Variants in OSTN observed in about 807,000 individuals in gnomAD.
OSTN encodes the protein osteocrin.
Under a neutral mutation model 12.0 loss-of-function variants are expected in OSTN, and 9 were observed. The observed-to-expected ratio is 0.75, with a 90% CI of 0.45 to 1.30. The LOEUF is 1.30. Among genes scored for constraint, OSTN ranks in the 50% most tolerant of loss-of-function variants. OSTN has a pLI of 0.00. For missense variants in OSTN, 148 were observed against 152.3 expected (o/e 0.97, Z 0.15); for synonymous variants, 59 against 56.9 (o/e 1.04, Z -0.16).
intron 1 of OSTN, among the ~76,000 whole-genome samples, chr3:191,208,821 T>C (rs547881756): frequency 6.6e-6 from 1 of 152,340 alleles, no homozygotes; most frequent in South Asian, 2.1e-4. Flanking sequence ...ACATAAAGAA[T>C]TGTAGTTTGT....
intron 4 of OSTN, among the ~76,000 whole-genome samples, chr3:191,258,623 C>T (rs889021888): frequency 1.3e-5 from 2 of 150,194 alleles, no homozygotes; most frequent in Non-Finnish European, 3.0e-5. Context: ...CAAGCCTGCA[C>T]GTTCTGCACA....
rs560981477 is a variant in OSTN at position 191,243,596 on chromosome 3, A to G, written c.318-6441A>G. ...ATGATTGACAATATAAATTGTATAAATTTAGGGTGTACAGTATGTTCTGAT... is the reference window on the plus strand; with the variant it reads ...ATGATTGACAATATAAATTGTATAAGTTTAGGGTGTACAGTATGTTCTGAT... On this transcript the variant is annotated intron_variant, in intron 3 of 4. Coordinates refer to ENST00000682035, the MANE Select transcript of OSTN (RefSeq NM_198184.2). 5.3e-5 allele frequency among the ~76,000 whole-genome samples: 8 copies of G among 152,190 alleles called. No homozygotes were observed. In the South Asian group the frequency reaches 1.7e-3, roughly 32 times the overall value.
chr3:191,231,587 C>T (rs1029415451), intron 3 of OSTN, among the ~76,000 whole-genome samples: 2 of 152,020 alleles, frequency 1.3e-5, no homozygotes, highest in Non-Finnish European at 2.9e-5. Flanking sequence ...TTTCACAAGA[C>T]CAGGAATTAT....
At chr3:191,228,967 A>G (rs903662705) in intron 3 of OSTN, among the ~76,000 whole-genome samples, 4 of 152,202 alleles carry the variant, frequency 2.6e-5, no homozygotes, top group African/African-American at 9.6e-5. Flanking sequence ...AAGTCATTAT[A>G]TGCCTCCTGG....
intron 3 of OSTN, among the ~76,000 whole-genome samples, chr3:191,230,503 G>A (rs1318862545): frequency 6.8e-6 from 1 of 146,248 alleles, no homozygotes; most frequent in Non-Finnish European, 1.5e-5. Context: ...GGTGGAGGTT[G>A]CAGTGAGCTG....
chr3:191,241,525 C>T (rs1401659393), intron 3 of OSTN, among the ~76,000 whole-genome samples: 1 of 151,806 alleles, frequency 6.6e-6, no homozygotes, highest in Admixed American at 6.6e-5. Context: ...ATTTTAGTGC[C>T]CCTTTAAGTT....
chr3:191,252,863 T>C (rs1715590047), intron 4 of OSTN, among the ~76,000 whole-genome samples: 1 of 152,248 alleles, frequency 6.6e-6, no homozygotes, highest in Non-Finnish European at 1.5e-5. Flanking sequence ...ATGTATCATT[T>C]AACAGAGAGC....
intron 4 of OSTN, among the ~76,000 whole-genome samples, chr3:191,261,438 G>C (rs1715807759): frequency 6.6e-6 from 1 of 152,158 alleles, no homozygotes. Flanking sequence ...GGCTAGCAAA[G>C]GTAGTCTTGT....
At chr3:191,217,236 C>T (rs1267435250) in intron 2 of OSTN, 1 of 152,206 alleles carries the variant, frequency 6.6e-6, no homozygotes, top group Non-Finnish European at 1.5e-5. Context: ...ATCCCAAGAA[C>T]CACAGGAGAG....
chr3:191,253,091 C>CA (rs1715596552), intron 4 of OSTN, among the ~76,000 whole-genome samples: 1 of 152,146 alleles, frequency 6.6e-6, no homozygotes, highest in Non-Finnish European at 1.5e-5. Flanking sequence ...ACCCAAAAGG[C>CA]CTTCTTGGTG....
intron 3 of OSTN, among the ~76,000 whole-genome samples, chr3:191,219,414 C>T (rs1382423568): frequency 6.6e-6 from 1 of 152,120 alleles, no homozygotes; most frequent in Non-Finnish European, 1.5e-5. Context: ...AGTCAGAACG[C>T]ATGTGTTTCT....
chr3:191,205,883 A>G (rs1714262002), intron 1 of OSTN, among the ~76,000 whole-genome samples: 1 of 152,142 alleles, frequency 6.6e-6, no homozygotes, highest in Non-Finnish European at 1.5e-5. Context: ...AAAGAGAAGT[A>G]AGAAAAAAAT....
At chr3:191,257,666 T>C (rs1715702602) in intron 4 of OSTN, among the ~76,000 whole-genome samples, 1 of 152,134 alleles carries the variant, frequency 6.6e-6, no homozygotes, top group African/African-American at 2.4e-5. Flanking sequence ...AAGCAACAAT[T>C]TTTTGGCCAT....
chr3:191,233,035 C>A (rs1362003827), intron 3 of OSTN, among the ~76,000 whole-genome samples: 1 of 151,986 alleles, frequency 6.6e-6, no homozygotes, highest in Non-Finnish European at 1.5e-5. Flanking sequence ...TCTGAGTCAC[C>A]AGGGTACAAA....
At chr3:191,226,563 A>G (rs1351597545) in intron 3 of OSTN, among the ~76,000 whole-genome samples, 3 of 152,200 alleles carry the variant, frequency 2.0e-5, no homozygotes, top group Non-Finnish European at 4.4e-5. Flanking sequence ...AAGTGCCATC[A>G]GTGTTGATTA....
intron 1 of OSTN, among the ~76,000 whole-genome samples, chr3:191,209,557 T>G (rs1021175460): frequency 3.3e-5 from 5 of 152,218 alleles, no homozygotes; most frequent in Admixed American, 3.3e-4. Context: ...TGAAATAGAT[T>G]AATTGGTGTC....
At position 191,235,447 on chromosome 3, in the gene OSTN, G is replaced by A. The variant is rs1393409281; in HGVS notation, c.318-14590G>A. 2.6e-5 allele frequency among the ~76,000 whole-genome samples: 4 copies of A among 152,282 alleles called. No homozygotes were observed. In the East Asian group the frequency reaches 7.7e-4, roughly 29 times the overall value. The stretch of plus-strand genomic sequence containing the variant: ...TGTCTCCTCCAGAACTGGGGATGGA[G>A]ATGCATGCAGAGAAGTAAAACAAAG... On this transcript the variant is annotated intron_variant, in intron 3 of 4. Transcript: ENST00000682035.
chr3:191,241,093 A>C (rs897537311), intron 3 of OSTN, among the ~76,000 whole-genome samples: 4 of 150,576 alleles, frequency 2.7e-5, no homozygotes, highest in African/African-American at 9.7e-5. Flanking sequence ...ATTTGAAAGA[A>C]CATTCTTTTT....
At chr3:191,215,107 G>A (rs1714573862) in intron 2 of OSTN, among the ~76,000 whole-genome samples, 1 of 152,212 alleles carries the variant, frequency 6.6e-6, no homozygotes, top group African/African-American at 2.4e-5. Context: ...GATGCCTCAG[G>A]AAACTTACAA....
Sources: gnomAD v4.1 joint callset for allele counts (sites outside exome capture counted in the v4.1 genomes callset) on GRCh38, gnomAD v4.1.1 for gene constraint, MANE v1.5 for transcripts, NCBI Gene and HGNC (gene_info 2026-07-23, HGNC 2026-07-21) for gene names.